ATRNL1: variants seen among roughly 807,000 people sequenced by gnomAD.
ATRNL1 encodes the protein attractin like 1.
In ATRNL1, 95 loss-of-function variants were observed where a neutral mutation model predicts 182.7. The ratio of observed to expected loss-of-function variants is 0.52; its 90% CI spans 0.44 to 0.62. ATRNL1 has a LOEUF of 0.62. ATRNL1 is among the 20% of genes least tolerant of loss of function. The probability of loss-of-function intolerance (pLI) is 0.00; values close to 1 mark genes in which losing one functional copy is unlikely to be tolerated. For synonymous variants in ATRNL1, 576 were observed against 568.3 expected, an observed-to-expected ratio of 1.01 and a Z score of -0.19; for missense variants, 1,471 against 1,679.5, an observed-to-expected ratio of 0.88 and a Z score of 2.17.
intron 8 of ATRNL1, among the ~76,000 whole-genome samples, chr10:115,206,517 TATC>T (rs1442826606): frequency 7.2e-5 from 11 of 152,164 alleles, no homozygotes; most frequent in East Asian, 1.9e-4. Flanking sequence ...CTTGAGCTAA[TATC>T]ATATCTATAT....
At chr10:115,103,823 G>A (rs1388314939) in intron 1 of ATRNL1, among the ~76,000 whole-genome samples, 2 of 152,154 alleles carry the variant, frequency 1.3e-5, no homozygotes, top group African/African-American at 4.8e-5. Flanking sequence ...CTTATTTCAT[G>A]TAATGTAATG....
At chr10:115,100,642 A>G (rs1843735757) in intron 1 of ATRNL1, among the ~76,000 whole-genome samples, 1 of 152,030 alleles carries the variant, frequency 6.6e-6, no homozygotes, top group South Asian at 2.1e-4. Context: ...CAATGTCTTG[A>G]TTATTGTTTC....
intron 27 of ATRNL1, among the ~76,000 whole-genome samples, chr10:115,832,554 C>T (rs1182108774): frequency 6.6e-6 from 1 of 152,178 alleles, no homozygotes; most frequent in African/African-American, 2.4e-5. Context: ...TGTCTGTCTC[C>T]TGTGGTATGT....
intron 20 of ATRNL1, among the ~76,000 whole-genome samples, chr10:115,399,039 A>G (rs1844424951): frequency 6.6e-6 from 1 of 152,138 alleles, no homozygotes; most frequent in South Asian, 2.1e-4. Context: ...CCAACCTTGC[A>G]TCCCAGGGAT....
chr10:115,540,780 G>A (rs2133784986), intron 25 of ATRNL1, among the ~76,000 whole-genome samples: 1 of 150,086 alleles, frequency 6.7e-6, no homozygotes, highest in East Asian at 2.0e-4. Flanking sequence ...AAAGGGGGGA[G>A]GGAACAGGGC....
At chr10:115,805,907 T>C (rs1949910399) in intron 27 of ATRNL1, among the ~76,000 whole-genome samples, 1 of 152,150 alleles carries the variant, frequency 6.6e-6, no homozygotes, top group South Asian at 2.1e-4. Flanking sequence ...CCTAACACTT[T>C]ATGCTACATA....
At chr10:115,250,732 C>T (rs1374732065) in intron 10 of ATRNL1, among the ~76,000 whole-genome samples, 1 of 152,150 alleles carries the variant, frequency 6.6e-6, no homozygotes, top group Non-Finnish European at 1.5e-5. Flanking sequence ...CACTGGACCC[C>T]TAAATATTTT....
At chr10:115,777,135 G>A (rs1949147006) in intron 27 of ATRNL1, among the ~76,000 whole-genome samples, 1 of 152,138 alleles carries the variant, frequency 6.6e-6, no homozygotes, top group Non-Finnish European at 1.5e-5. Flanking sequence ...ATTAAGAATT[G>A]TAGAATTGAG....
intron 8 of ATRNL1, among the ~76,000 whole-genome samples, chr10:115,174,561 T>G (rs928096630): frequency 1.5e-3 from 226 of 152,008 alleles, no homozygotes; most frequent in African/African-American, 5.2e-3. Context: ...TATCATTTAT[T>G]TACAGGGGTC....
intron 1 of ATRNL1, among the ~76,000 whole-genome samples, chr10:115,117,719 C>T (rs553898939): frequency 3.3e-5 from 5 of 151,984 alleles, no homozygotes; most frequent in African/African-American, 1.2e-4. Flanking sequence ...ATATACCCAA[C>T]AGTGGGATTG....
At chr10:115,603,189 C>A (rs1025636933) in intron 26 of ATRNL1, among the ~76,000 whole-genome samples, 2 of 151,830 alleles carry the variant, frequency 1.3e-5, no homozygotes, top group African/African-American at 4.9e-5. Flanking sequence ...CAGCCCTGTT[C>A]CCCTCCCTGG....
intron 26 of ATRNL1, among the ~76,000 whole-genome samples, chr10:115,616,433 A>G (rs782511047): frequency 6.6e-6 from 1 of 152,156 alleles, no homozygotes; most frequent in Non-Finnish European, 1.5e-5. Flanking sequence ...AGAAAAACCA[A>G]TTTTTGGGCA....
In ATRNL1 at chr10:115,096,734, G is replaced by C. The variant is rs1489848654; in HGVS notation, c.293+2691G>C. 5 of 1,284,726 alleles carry C rather than the reference G, an allele frequency of 3.9e-6. No homozygotes were observed. The African/African-American group carries it at 7.6e-5, about 20-fold the overall frequency. The allele number at this position is 1,284,726 out of a possible 1,614,324, so 79.6% of individuals were successfully genotyped here. ...GGGAAGAAATGCAGAAGCAAATATA[G>C]TATCAAAAGTGGTACTTCAGTTCTC... is the stretch of plus-strand genomic sequence containing the variant. On this transcript the variant is annotated intron_variant, in intron 1 of 28. Transcript: ENST00000355044.
intron 26 of ATRNL1, among the ~76,000 whole-genome samples, chr10:115,561,323 G>A (rs1853693876): frequency 6.6e-6 from 1 of 152,232 alleles, no homozygotes; most frequent in South Asian, 2.1e-4. Context: ...ACTTAAAAAT[G>A]TATAAAGAAT....
intron 26 of ATRNL1, among the ~76,000 whole-genome samples, chr10:115,706,825 A>G (rs1427751025): frequency 2.6e-5 from 4 of 151,948 alleles, no homozygotes; most frequent in Non-Finnish European, 5.9e-5. Context: ...TTATGAGAAC[A>G]GCTACACATA....
At chr10:115,174,955 G>T (rs781967243) in intron 8 of ATRNL1, among the ~76,000 whole-genome samples, 1 of 151,772 alleles carries the variant, frequency 6.6e-6, no homozygotes, top group Non-Finnish European at 1.5e-5. Context: ...TAGTTGTTTC[G>T]TATATGTGGA....
At chr10:115,681,250 G>C (rs1314999951) in intron 26 of ATRNL1, among the ~76,000 whole-genome samples, 1 of 152,066 alleles carries the variant, frequency 6.6e-6, no homozygotes, top group East Asian at 1.9e-4. Context: ...GTGTTAATTA[G>C]AGGCTAAGTC....
chr10:115,433,262 C>A (rs1269940100), intron 21 of ATRNL1, among the ~76,000 whole-genome samples: 1 of 151,988 alleles, frequency 6.6e-6, no homozygotes, highest in Non-Finnish European at 1.5e-5. Flanking sequence ...AATAGTATGT[C>A]ATAGAAAACA....
intron 26 of ATRNL1, among the ~76,000 whole-genome samples, chr10:115,611,151 G>A: frequency 6.6e-6 from 1 of 151,442 alleles, no homozygotes; most frequent in Non-Finnish European, 1.5e-5. Flanking sequence ...TGTGGGTATT[G>A]TTTAATTGCC....
Sources: gnomAD v4.1 joint callset for allele counts (sites outside exome capture counted in the v4.1 genomes callset) on GRCh38, gnomAD v4.1.1 for gene constraint, MANE v1.5 for transcripts, NCBI Gene and HGNC (gene_info 2026-07-23, HGNC 2026-07-21) for gene names.